Variants in EYA1 observed in about 807,000 individuals in gnomAD.
EYA1 encodes the protein protein phosphatase EYA1.
EYA1 carries 16 observed loss-of-function variants against 82.0 expected under a neutral mutation model. The observed-to-expected ratio is 0.20, with a 90% CI of 0.13 to 0.30. The LOEUF is 0.30. EYA1 is among the 10% of genes least tolerant of loss of function. The pLI is 1.00. For synonymous variants in EYA1, 261 were observed against 264.4 expected (o/e 0.99, Z 0.12); for missense variants, 633 against 730.7 (o/e 0.87, Z 1.54).
intron 1 of EYA1, among the ~76,000 whole-genome samples, chr8:71,357,738 T>G (rs1005372329): frequency 1.3e-5 from 2 of 152,240 alleles, no homozygotes; most frequent in Non-Finnish European, 2.9e-5. Flanking sequence ...CCAACTGTCT[T>G]GGTATAATGT....
intron 2 of EYA1, among the ~76,000 whole-genome samples, chr8:71,504,631 G>A (rs76073746): frequency 0.038 from 5,818 of 152,070 alleles, 153 homozygotes; most frequent in Middle Eastern, 0.095. Flanking sequence ...GAATGTTAGC[G>A]TACATCAGAA....
intron 6 of EYA1, among the ~76,000 whole-genome samples, chr8:71,319,039 C>T (rs1746992472): frequency 6.6e-6 from 1 of 152,164 alleles, no homozygotes; most frequent in South Asian, 2.1e-4. Context: ...TCCATGTTGT[C>T]ACCCCTAGGG....
rs759270339 is a variant in EYA1 at position 71,523,173 on chromosome 8, CTTTTTCTTTTTT to C, written c.33+12559_33+12570del. ...TTCAGCTCTTTTTCTTTTCTTTTTT[CTTTTTCTTTTTT>C]TTTTTTTTTTTGAGACGGAGTCTCG... On this transcript the variant is annotated intron_variant, in intron 2 of 18. Coordinates refer to the EYA1 transcript ENST00000643681. Among the ~76,000 whole-genome samples, 6 of 110,848 alleles carry C rather than the reference CTTTTTCTTTTTT, an allele frequency of 5.4e-5. No individual in the cohort carries two copies. In the East Asian group the frequency reaches 1.0e-3, roughly 19 times the overall value. 72.7% of individuals were successfully genotyped at this position (110,848 alleles called of 152,430 possible).
intron 2 of EYA1, among the ~76,000 whole-genome samples, chr8:71,455,127 A>G (rs1400974074): frequency 6.6e-6 from 1 of 152,206 alleles, no homozygotes; most frequent in Non-Finnish European, 1.5e-5. Flanking sequence ...TACTATAAAT[A>G]CCTCTACACA....
intron 2 of EYA1, among the ~76,000 whole-genome samples, chr8:71,526,874 G>C (rs34221820): frequency 0.06 from 9,141 of 152,218 alleles, 334 homozygotes; most frequent in East Asian, 0.12. Context: ...TCTCTTAAAG[G>C]GAGGAGTATC....
At chr8:71,234,923 C>G (rs1020781090) in intron 12 of EYA1, among the ~76,000 whole-genome samples, 2 of 152,130 alleles carry the variant, frequency 1.3e-5, no homozygotes, top group Non-Finnish European at 1.5e-5. Flanking sequence ...AGCCACCCCC[C>G]AAACACACTC....
intron 4 of EYA1, among the ~76,000 whole-genome samples, chr8:71,328,610 C>A (rs1823438424): frequency 6.6e-6 from 1 of 152,154 alleles, no homozygotes; most frequent in Admixed American, 6.6e-5. Context: ...GACCTGAAAA[C>A]ATATTTTCAT....
intron 3 of EYA1, among the ~76,000 whole-genome samples, chr8:71,337,871 A>G (rs1824675296): frequency 6.6e-6 from 1 of 152,196 alleles, no homozygotes; most frequent in South Asian, 2.1e-4. Context: ...TTGAATTTCA[A>G]TCTAGCTTTG....
At chr8:71,349,452 C>T (rs1260450049) in intron 3 of EYA1, among the ~76,000 whole-genome samples, 1 of 152,212 alleles carries the variant, frequency 6.6e-6, no homozygotes, top group Non-Finnish European at 1.5e-5. Flanking sequence ...AAAATCCAGG[C>T]TCTGGACTCA....
chr8:71,334,134 C>G lies in EYA1; in HGVS notation c.165G>C (p.Thr55=). The G allele has an allele frequency of 6.2e-7, 1 of 1,613,718 alleles. No individual in the cohort carries two copies. Among genetic ancestry groups the G allele is most frequent in the Non-Finnish European group, 8.5e-7 (1 of 1,179,758 alleles). Reference sequence around the variant, plus strand: ...AATTGTTTAAAGACCCGTCGGCTGTCGTTGAAGCTGTTTCACTGCTGCTCA... The same window carrying G: ...AATTGTTTAAAGACCCGTCGGCTGTGGTTGAAGCTGTTTCACTGCTGCTCA... ...EPMSSSETAS[T]TADGSLNNFS... The change falls in exon 4 of 18, where the codon ACG becomes ACC. Residue 55 remains threonine, a synonymous_variant. Coordinates refer to ENST00000340726, the MANE Select transcript of EYA1 (RefSeq NM_000503.6).
At chr8:71,335,172 C>T (rs1430340874) in intron 3 of EYA1, among the ~76,000 whole-genome samples, 2 of 152,096 alleles carry the variant, frequency 1.3e-5, no homozygotes. Flanking sequence ...TTAAGGGATA[C>T]CTAAAAATCA....
In EYA1 at chr8:71,338,889, G is replaced by A. The variant is rs139233425; in HGVS notation, c.125-4715C>T. ...AACTTTTCTCAAACTGTTACAGTAA[G>A]CACAGCTTGTCTTTGCTTGGCACAA... is the stretch of plus-strand genomic sequence containing the variant. On this transcript the variant is annotated intron_variant, in intron 3 of 17. Coordinates refer to ENST00000340726, the MANE Select transcript of EYA1 (RefSeq NM_000503.6). 3.3e-5 allele frequency among the ~76,000 whole-genome samples: 5 copies of A among 152,246 alleles called. No homozygotes were observed. In the East Asian group the frequency reaches 9.7e-4, roughly 29 times the overall value.
chr8:71,235,622 T>A (rs1339717913), intron 12 of EYA1, among the ~76,000 whole-genome samples: 2 of 152,198 alleles, frequency 1.3e-5, no homozygotes, highest in Non-Finnish European at 2.9e-5. Flanking sequence ...TACTGTTTAT[T>A]CCTACTTCTC....
At chr8:71,522,096 T>A (rs1347409826) in intron 2 of EYA1, among the ~76,000 whole-genome samples, 1 of 152,214 alleles carries the variant, frequency 6.6e-6, no homozygotes, top group Non-Finnish European at 1.5e-5. Flanking sequence ...GTATTTATAA[T>A]CTGTATGTGC....
intron 2 of EYA1, among the ~76,000 whole-genome samples, chr8:71,440,285 G>A (rs1054514223): frequency 3.9e-5 from 6 of 152,168 alleles, no homozygotes; most frequent in Non-Finnish European, 7.3e-5. Flanking sequence ...GCCATTGGCC[G>A]GTTTTGTGAT....
intron 11 of EYA1, among the ~76,000 whole-genome samples, chr8:71,250,392 C>T (rs1217472529): frequency 6.6e-6 from 1 of 152,186 alleles, no homozygotes. Context: ...GCAGCGCTCC[C>T]CGCTGGGCCC....
chr8:71,349,124 C>G (rs1054443514), intron 3 of EYA1, among the ~76,000 whole-genome samples: 2 of 152,182 alleles, frequency 1.3e-5, no homozygotes, highest in African/African-American at 2.4e-5. Flanking sequence ...TGAAAACAAT[C>G]CCCTAAAGTT....
In EYA1 at chr8:71,215,664, G is replaced by A. The variant is rs727503043; in HGVS notation, c.1425C>T (p.Thr475=). 2.4e-5 allele frequency: 38 copies of A among 1,614,038 alleles called. No individual in the cohort carries two copies. Among genetic ancestry groups the A allele is most frequent in the Middle Eastern group, 1.6e-4 (1 of 6,084 alleles). The change falls in exon 15 of 18, where the codon ACC becomes ACT. Residue 475 remains threonine (T), a synonymous_variant. Transcript: ENST00000340726. ...LQLRAEIEAL[T]DSWLTLALKA... The stretch of plus-strand genomic sequence containing the variant: ...TCAGGGCCAGTGTCAACCAGGAGTC[G>A]GTCAGGGCTTCAATTTCGGCCCTCA...
intron 11 of EYA1, among the ~76,000 whole-genome samples, chr8:71,261,785 C>T (rs1815141596): frequency 6.6e-6 from 1 of 152,144 alleles, no homozygotes; most frequent in African/African-American, 2.4e-5. Flanking sequence ...CCATGGGGTG[C>T]TAAGGGAAAG....
Sources: allele counts gnomAD v4.1 joint callset (sites outside exome capture counted in the v4.1 genomes callset), GRCh38; gene constraint gnomAD v4.1.1; transcripts MANE v1.5; gene names NCBI Gene and HGNC (gene_info 2026-07-23, HGNC 2026-07-21).